Variants in TCP11L2 observed in about 807,000 individuals in gnomAD.
TCP11L2 encodes t-complex 11 like 2, also known as T-complex protein 11-like protein 2.
TCP11L2 carries 39 observed loss-of-function variants against 50.7 expected under a neutral mutation model. The observed-to-expected ratio is 0.77, with a 90% CI of 0.60 to 1.01. The LOEUF (loss-of-function observed/expected upper bound fraction) is 1.01. Among genes scored for constraint, TCP11L2 ranks in the 50% least tolerant of loss-of-function variants. The pLI is 0.00. For missense variants in TCP11L2, 612 were observed against 614.7 expected, an observed-to-expected ratio of 1.00 and a Z score of 0.05; for synonymous variants, 192 against 219.3, an observed-to-expected ratio of 0.88 and a Z score of 1.10.
chr12:106,319,532 G>A (rs1230673331), intron 4 of TCP11L2, among the ~76,000 whole-genome samples: 2 of 152,184 alleles, frequency 1.3e-5, no homozygotes, highest in African/African-American at 2.4e-5. Flanking sequence ...ATGCTAAAGC[G>A]CAGAGACTCT....
In TCP11L2 at chr12:106,332,945, T is replaced by C. The variant is rs117028510; in HGVS notation, c.773-2694T>C. Among the ~76,000 whole-genome samples, 541 of 152,248 alleles carry C rather than the reference T, an allele frequency of 3.6e-3. 1 individual carries two copies. The highest frequency in any genetic ancestry group is 6.1e-3 in the Non-Finnish European group (414 of 68,012). On this transcript the variant is annotated intron_variant, in intron 6 of 9. Transcript: ENST00000299045. ...TTTACATAACATTCTTGAAGTGACA[T>C]AGTTTTGGTGATCAGTGGTTACCAG...
chr12:106,316,916 A>G (rs1009998863), intron 3 of TCP11L2, among the ~76,000 whole-genome samples: 6 of 152,214 alleles, frequency 3.9e-5, no homozygotes, highest in Non-Finnish European at 8.8e-5. Flanking sequence ...GACAGGGCAT[A>G]TCTGTACTTT....
At chr12:106,333,524 TA>T (rs2035811474) in intron 6 of TCP11L2, among the ~76,000 whole-genome samples, 6 of 152,128 alleles carry the variant, frequency 3.9e-5, no homozygotes, top group Non-Finnish European at 1.5e-5. Context: ...GGGTAATGGA[TA>T]TGGTTTATAT....
intron 5 of TCP11L2, among the ~76,000 whole-genome samples, chr12:106,322,777 C>T (rs1176171667): frequency 6.6e-6 from 1 of 152,220 alleles, no homozygotes; most frequent in Non-Finnish European, 1.5e-5. Flanking sequence ...CTCAAAGTGA[C>T]ACTCTCTGTC....
chr12:106,344,638 C>A (rs1480565285), intron 9 of TCP11L2, among the ~76,000 whole-genome samples: 1 of 152,190 alleles, frequency 6.6e-6, no homozygotes, highest in Non-Finnish European at 1.5e-5. Flanking sequence ...TTTTTGTGAG[C>A]ATTCTTTGGT....
chr12:106,309,867 A>G (rs1565837677), intron 1 of TCP11L2, among the ~76,000 whole-genome samples: 1 of 152,038 alleles, frequency 6.6e-6, no homozygotes, highest in East Asian at 1.9e-4. Flanking sequence ...CAGACATACT[A>G]TACATAGTTG....
intron 5 of TCP11L2, among the ~76,000 whole-genome samples, chr12:106,321,952 G>A (rs949853469): frequency 1.3e-5 from 2 of 152,148 alleles, no homozygotes; most frequent in African/African-American, 4.8e-5. Context: ...GAAAAAGACA[G>A]ATATAATCCC....
intron 9 of TCP11L2, among the ~76,000 whole-genome samples, chr12:106,343,831 G>A (rs2077861125): frequency 1.3e-5 from 2 of 151,332 alleles, no homozygotes; most frequent in South Asian, 4.2e-4. Flanking sequence ...TATTTTTTTT[G>A]TATTCTTAGT....
At chr12:106,305,138 C>T (rs1457768828) in intron 1 of TCP11L2, among the ~76,000 whole-genome samples, 3 of 152,172 alleles carry the variant, frequency 2.0e-5, no homozygotes, top group African/African-American at 7.2e-5. Context: ...TGCCTCTACA[C>T]TGCTGTGAAC....
intron 2 of TCP11L2, chr12:106,312,338 T>G (rs2034893773): frequency 9.6e-7 from 1 of 1,046,858 alleles, no homozygotes; most frequent in East Asian, 6.0e-5. Context: ...GGAAAGACTT[T>G]TGGATATCAC....
chr12:106,321,557 C>T lies in TCP11L2; in HGVS notation c.486C>T (p.Asp162=), dbSNP rs752763419. Residue 162 remains aspartate, a synonymous_variant, in exon 5 of 10, where the codon GAC becomes GAT. Coordinates refer to ENST00000299045, the MANE Select transcript of TCP11L2 (RefSeq NM_152772.3). ...AAATCTGTGAAGTTTTGGACACAGA[C>T]CTCATTAGGCAGCAGGCTGAGCACA... The part of the protein sequence containing the change: ...RNQICEVLDT[D]LIRQQAEHSA... The T allele has an allele frequency of 2.7e-5, 43 of 1,614,224 alleles. No homozygotes were observed. Among genetic ancestry groups the T allele is most frequent in the Admixed American group, 1.0e-4 (6 of 60,030 alleles).
At chr12:106,311,942 A>G (rs1799324081) in intron 2 of TCP11L2, among the ~76,000 whole-genome samples, 1 of 152,206 alleles carries the variant, frequency 6.6e-6, no homozygotes, top group Admixed American at 6.5e-5. Context: ...ACTTCTTACA[A>G]ATTGCTTCAT....
At chr12:106,332,155 GAGCT>G (rs1250371129) in intron 6 of TCP11L2, among the ~76,000 whole-genome samples, 4 of 152,074 alleles carry the variant, frequency 2.6e-5, no homozygotes, top group African/African-American at 9.7e-5. Context: ...GGAATTTTGT[GAGCT>G]AGTAAACACA....
upstream of TCP11L2, among the ~76,000 whole-genome samples, chr12:106,300,487 G>A (rs1166701659): frequency 7.2e-5 from 11 of 152,008 alleles, no homozygotes; most frequent in African/African-American, 2.7e-4. Flanking sequence ...GTGCCACCAC[G>A]CCCAGCTAAT....
At chr12:106,321,438 C>A in intron 4 of TCP11L2, 48 bp from the exon 5 acceptor site, 1 of 1,498,196 alleles carries the variant, frequency 6.7e-7, no homozygotes, top group Non-Finnish European at 9.1e-7. Context: ...AAAGTGACAG[C>A]TTTTATTCAC....
chr12:106,311,055 C>T lies in TCP11L2; in HGVS notation c.-21C>T. On this transcript the variant is annotated 5_prime_UTR_variant, in exon 2 of 10. Transcript: ENST00000299045. The stretch of plus-strand genomic sequence containing the variant: ...TGTCTGTGCAGGTGCTACCTTTTTA[C>T]CCACACTTAAGTGACGCAAAATGCC... The T allele has an allele frequency of 6.2e-7, 1 of 1,612,484 alleles. No homozygotes were observed. Among genetic ancestry groups the T allele is most frequent in the Non-Finnish European group, 8.5e-7 (1 of 1,179,060 alleles).
At chr12:106,316,798 C>T (rs543451617) in intron 3 of TCP11L2, among the ~76,000 whole-genome samples, 1 of 152,284 alleles carries the variant, frequency 6.6e-6, no homozygotes, top group African/African-American at 2.4e-5. Flanking sequence ...CAGGGCCCTA[C>T]ACATATTGGA....
intron 4 of TCP11L2, among the ~76,000 whole-genome samples, chr12:106,320,641 C>A (rs1441810054): frequency 6.6e-6 from 1 of 152,190 alleles, no homozygotes; most frequent in Admixed American, 6.5e-5. Context: ...AGGGCTGGTT[C>A]CTGCCTTGTG....
chr12:106,343,529 A>G (rs949889606), intron 9 of TCP11L2, among the ~76,000 whole-genome samples: 1 of 152,182 alleles, frequency 6.6e-6, no homozygotes, highest in African/African-American at 2.4e-5. Context: ...TGAAGGGATC[A>G]TAATCCCCAA....
Sources: gnomAD v4.1 joint callset for allele counts (sites outside exome capture counted in the v4.1 genomes callset) on GRCh38, gnomAD v4.1.1 for gene constraint, MANE v1.5 for transcripts, NCBI Gene and HGNC (gene_info 2026-07-23, HGNC 2026-07-21) for gene names.